SLC9A7: variants seen among roughly 807,000 people sequenced by gnomAD.
SLC9A7 encodes sodium/hydrogen exchanger 7.
Under a neutral mutation model 52.6 loss-of-function variants are expected in SLC9A7, and 19 were observed. The ratio of observed to expected loss-of-function variants is 0.36; its 90% confidence interval spans 0.25 to 0.53. The LOEUF (loss-of-function observed/expected upper bound fraction) is 0.53, where lower values mean the gene tolerates loss of function less well. SLC9A7 is among the 20% of genes least tolerant of loss of function. SLC9A7 has a pLI of 0.91. For synonymous variants in SLC9A7, 226 were observed against 252.1 expected (o/e 0.90, Z 0.98); for missense variants, 455 against 597.9 (o/e 0.76, Z 2.49).
rs1434787416 is a variant in SLC9A7 at position 46,606,106 on chromosome X, G to A, written c.*846C>T. 7.2e-6 allele frequency: 2 copies of A among 279,615 alleles called. No individual in the cohort carries two copies. Among genetic ancestry groups the A allele is most frequent in the Admixed American group, 1.9e-4 (2 of 10,591 alleles). 23.0% of individuals were successfully genotyped at this position (279,615 alleles called of 1,213,427 possible). On this transcript the variant is annotated 3_prime_UTR_variant, in exon 17 of 17. Transcript: ENST00000616978. ...TGAGGCAGAGGTTGCAGTGAGCCAA[G>A]ACCACGCCACTGCACTCCAGCCTGG...
intron 3 of SLC9A7, among the ~76,000 whole-genome samples, chrX:46,678,411 T>TA (rs1410936796): frequency 6.0e-5 from 5 of 83,473 alleles, no homozygotes; most frequent in South Asian, 6.8e-4. Flanking sequence ...CTGGCATTTG[T>TA]TTTTATTTAT....
chrX:46,693,211 A>C (rs999011940), intron 1 of SLC9A7, among the ~76,000 whole-genome samples: 1 of 111,858 alleles, frequency 8.9e-6, no homozygotes, highest in Admixed American at 9.5e-5. Context: ...TCCTATCAAA[A>C]TTCCAGCAAA....
At chrX:46,643,506 G>T in intron 11 of SLC9A7, 117 bp from the exon 12 acceptor site, 1 of 723,816 alleles carries the variant, frequency 1.4e-6, no homozygotes, top group Non-Finnish European at 2.0e-6. Flanking sequence ...CAGGGGCCAA[G>T]TTGTTTTACT....
At chrX:46,683,884 G>A (rs1269667414) in intron 1 of SLC9A7, among the ~76,000 whole-genome samples, 2 of 112,091 alleles carry the variant, frequency 1.8e-5, no homozygotes, top group African/African-American at 6.5e-5. Context: ...AAAGAACGAT[G>A]TTTACTGTCT....
intron 15 of SLC9A7, among the ~76,000 whole-genome samples, chrX:46,620,737 G>A (rs1225331122): frequency 8.9e-6 from 1 of 112,220 alleles, no homozygotes; most frequent in Non-Finnish European, 1.9e-5. Context: ...AGAGCCACAT[G>A]AGTCTACCAG....
Position 46,606,827 on chromosome X carries a change from G to T in SLC9A7, c.*125C>A. On this transcript the variant is annotated 3_prime_UTR_variant, in exon 17 of 17. Transcript: ENST00000616978. ...AATTTTAAGTGTTACAATAGCTTCA[G>T]ACCCCAATAAAATAGAAGAGTTAGT... 1 of 1,151,033 alleles carries T rather than the reference G, an allele frequency of 8.7e-7. No homozygotes were observed. The highest frequency in any genetic ancestry group is 2.1e-5 in the South Asian group (1 of 47,370). The allele number at this position is 1,151,033 out of a possible 1,213,427, so 94.9% of individuals were successfully genotyped here. A position where few individuals can be genotyped will look rare whatever the true frequency, so the allele number is the denominator to read the frequency against.
intron 8 of SLC9A7, among the ~76,000 whole-genome samples, 177 bp from the exon 9 acceptor site, chrX:46,651,581 A>G (rs185554003): frequency 9.0e-6 from 1 of 111,568 alleles, no homozygotes; most frequent in East Asian, 2.8e-4. Context: ...TAATCCCAGC[A>G]CTGCAGGAGG....
chrX:46,665,716 C>T (rs1002896511), intron 5 of SLC9A7, among the ~76,000 whole-genome samples: 4 of 111,251 alleles, frequency 3.6e-5, no homozygotes, highest in Non-Finnish European at 7.5e-5. Flanking sequence ...CACCTTTGTA[C>T]TCCTTGAGTC....
chrX:46,750,175 C>T (rs1020981214), intron 1 of SLC9A7, among the ~76,000 whole-genome samples: 2 of 111,188 alleles, frequency 1.8e-5, no homozygotes, highest in East Asian at 2.8e-4. Context: ...TGGTAATGGG[C>T]GGGATTCAGG....
At chrX:46,739,700 G>A (rs1284270537) in intron 1 of SLC9A7, among the ~76,000 whole-genome samples, 1 of 111,483 alleles carries the variant, frequency 9.0e-6, no homozygotes, top group Non-Finnish European at 1.9e-5. Flanking sequence ...CAATGCCTTG[G>A]TAAACAGTTG....
At chrX:46,725,692 C>T in intron 1 of SLC9A7, 1 of 1,195,796 alleles carries the variant, frequency 8.4e-7, no homozygotes, top group Non-Finnish European at 1.1e-6. Flanking sequence ...TTATACTTCA[C>T]TAGCTCAGCA....
intron 7 of SLC9A7, among the ~76,000 whole-genome samples, chrX:46,660,260 A>T (rs1276304373): frequency 3.3e-4 from 37 of 111,531 alleles, no homozygotes; most frequent in South Asian, 7.6e-4. Context: ...CTAAAACCAT[A>T]AAAACCCTAG....
chrX:46,696,072 A>T (rs1008667594), intron 1 of SLC9A7, among the ~76,000 whole-genome samples: 4 of 109,785 alleles, frequency 3.6e-5, no homozygotes, highest in Admixed American at 9.8e-5. Flanking sequence ...TGAAACCTCC[A>T]CCTCCTGGGT....
chrX:46,729,285 G>GT (rs1185259843), intron 1 of SLC9A7, among the ~76,000 whole-genome samples: 1 of 112,317 alleles, frequency 8.9e-6, no homozygotes, highest in African/African-American at 3.2e-5. Flanking sequence ...AAAAATTTAA[G>GT]TAACAATACA....
At chrX:46,675,145 G>A (rs1481320919) in intron 3 of SLC9A7, among the ~76,000 whole-genome samples, 2 of 99,672 alleles carry the variant, frequency 2.0e-5, no homozygotes, top group Non-Finnish European at 4.0e-5. Flanking sequence ...CACCAATAAC[G>A]GCTTCTATGG....
intron 1 of SLC9A7, chrX:46,725,732 T>C: frequency 8.8e-7 from 1 of 1,141,774 alleles, no homozygotes. Context: ...TGTCAATGGA[T>C]TCTGCCCTGC....
chrX:46,646,851 G>GA (rs1361561451), intron 11 of SLC9A7: 1 of 328,527 alleles, frequency 3.0e-6, no homozygotes, highest in African/African-American at 2.8e-5. Flanking sequence ...TCATTCCAAA[G>GA]GGCAGAGCTC....
intron 14 of SLC9A7, 78 bp downstream of exon 14, chrX:46,631,508 G>T: frequency 1.3e-6 from 1 of 773,855 alleles, no homozygotes; most frequent in East Asian, 3.2e-5. Flanking sequence ...ATCACATTGA[G>T]GGAATCTAGG....
chrX:46,652,633 AT>A (rs1385943252), intron 8 of SLC9A7, among the ~76,000 whole-genome samples: 1 of 112,472 alleles, frequency 8.9e-6, no homozygotes, highest in Non-Finnish European at 1.9e-5. Flanking sequence ...GAAGTGGGGC[AT>A]TTTGTAATGC....
Sources: gnomAD v4.1 joint callset for allele counts (sites outside exome capture counted in the v4.1 genomes callset) on GRCh38, gnomAD v4.1.1 for gene constraint, MANE v1.5 for transcripts, NCBI Gene and HGNC (gene_info 2026-07-23, HGNC 2026-07-21) for gene names.